Variants in GABRB1 observed in about 807,000 individuals in gnomAD.
GABRB1 encodes the protein gamma-aminobutyric acid type A receptor subunit beta1, also known as gamma-aminobutyric acid receptor subunit beta-1.
In GABRB1, 17 loss-of-function variants were observed where a neutral mutation model predicts 51.6. That is an observed-to-expected ratio of 0.33 (90% CI 0.23 to 0.49). The LOEUF (loss-of-function observed/expected upper bound fraction) is 0.49, where lower values mean the gene tolerates loss of function less well. GABRB1 is among the 20% of genes least tolerant of loss of function. The pLI is 0.99. For synonymous variants in GABRB1, 247 were observed against 218.9 expected (o/e 1.13, Z -1.14); for missense variants, 410 against 600.6 (o/e 0.68, Z 3.32).
chr4:47,109,873 C>T (rs954040601), intron 3 of GABRB1, among the ~76,000 whole-genome samples: 5 of 151,974 alleles, frequency 3.3e-5, no homozygotes, highest in African/African-American at 9.7e-5. Flanking sequence ...ACTAGCTGGT[C>T]CCCAGAGCTA....
chr4:47,206,743 T>C (rs1055368404), intron 4 of GABRB1, among the ~76,000 whole-genome samples: 5 of 151,826 alleles, frequency 3.3e-5, no homozygotes, highest in African/African-American at 1.2e-4. Flanking sequence ...ATCAAAAGCA[T>C]AGCCAAACAT....
chr4:47,077,335 A>G (rs1022782171), intron 3 of GABRB1, among the ~76,000 whole-genome samples: 1 of 152,214 alleles, frequency 6.6e-6, no homozygotes, highest in Non-Finnish European at 1.5e-5. Flanking sequence ...TAAAGACTTT[A>G]GGTCACAAAA....
At chr4:47,150,416 A>G (rs1423895381) in intron 3 of GABRB1, among the ~76,000 whole-genome samples, 1 of 151,320 alleles carries the variant, frequency 6.6e-6, no homozygotes, top group Non-Finnish European at 1.5e-5. Flanking sequence ...TTCGTTGCAG[A>G]ATTGTTTTAG....
chr4:47,232,541 A>G (rs1261060300), intron 4 of GABRB1, among the ~76,000 whole-genome samples: 8 of 152,186 alleles, frequency 5.3e-5, no homozygotes, highest in Non-Finnish European at 1.0e-4. Flanking sequence ...ACTCTAATCT[A>G]TCATCTGAAT....
exon 1 of GABRB1, chr4:46,993,832 G>A: frequency 4.7e-6 from 1 of 212,546 alleles, no homozygotes; most frequent in South Asian, 6.4e-5. Context: ...CCCCAAGTGG[G>A]CTCCCCGCCC....
chr4:47,403,764 T>A, intron 7 of GABRB1, 53 bp downstream of exon 7: 1 of 1,569,438 alleles, frequency 6.4e-7, no homozygotes, highest in Non-Finnish European at 8.6e-7. Context: ...TTCAAACAAA[T>A]AACCAATATC....
chr4:47,179,545 C>A lies in GABRB1; in HGVS notation c.461+18076C>A, dbSNP rs183402162. 9.3e-4 allele frequency among the ~76,000 whole-genome samples: 141 copies of A among 152,220 alleles called. 1 individual carries two copies. The highest frequency in any genetic ancestry group is 3.3e-3 in the African/African-American group (138 of 41,558). ...TTGGAACCAACCCAAATGGGCCATA[C>A]TTTTAAGTCATTTACTTTTACCAAC... On this transcript the variant is annotated intron_variant, in intron 4 of 8. Coordinates refer to ENST00000295454, the MANE Select transcript of GABRB1 (RefSeq NM_000812.4).
chr4:47,299,304 C>A (rs531860380), intron 4 of GABRB1, among the ~76,000 whole-genome samples: 2,251 of 152,068 alleles, frequency 0.015, 45 homozygotes, highest in African/African-American at 0.051. Flanking sequence ...GAACAGGCAA[C>A]CTACAAAATG....
At chr4:47,004,020 T>C (rs1724307215) in intron 1 of GABRB1, among the ~76,000 whole-genome samples, 1 of 152,156 alleles carries the variant, frequency 6.6e-6, no homozygotes, top group Non-Finnish European at 1.5e-5. Context: ...AGATGGAGTA[T>C]TGCTCTGTCC....
At chr4:47,307,463 T>A (rs1011458973) in intron 4 of GABRB1, among the ~76,000 whole-genome samples, 1 of 152,026 alleles carries the variant, frequency 6.6e-6, no homozygotes, top group Admixed American at 6.6e-5. Flanking sequence ...TTTTAGAATA[T>A]GTGATCACCT....
intron 4 of GABRB1, among the ~76,000 whole-genome samples, chr4:47,297,415 A>G (rs1287601631): frequency 6.6e-6 from 1 of 150,542 alleles, no homozygotes; most frequent in Non-Finnish European, 1.5e-5. Flanking sequence ...AAAAAAAATG[A>G]TAAAGGGGAT....
At chr4:47,238,028 A>G (rs1156314662) in intron 4 of GABRB1, among the ~76,000 whole-genome samples, 1 of 152,012 alleles carries the variant, frequency 6.6e-6, no homozygotes, top group African/African-American at 2.4e-5. Context: ...TCAATCAAAA[A>G]ACATGTAATT....
intron 4 of GABRB1, among the ~76,000 whole-genome samples, chr4:47,249,178 G>T (rs1447320921): frequency 6.6e-6 from 1 of 151,904 alleles, no homozygotes; most frequent in Non-Finnish European, 1.5e-5. Flanking sequence ...TACCACCTTT[G>T]CTGTATTCTA....
intron 1 of GABRB1, among the ~76,000 whole-genome samples, chr4:47,000,617 C>T (rs1724149626): frequency 6.6e-6 from 1 of 152,152 alleles, no homozygotes; most frequent in South Asian, 2.1e-4. Flanking sequence ...GAAGGTTTGA[C>T]TGAGCTGGGC....
intron 3 of GABRB1, among the ~76,000 whole-genome samples, chr4:47,124,206 G>A (rs1022306028): frequency 6.6e-6 from 1 of 151,676 alleles, no homozygotes; most frequent in East Asian, 1.9e-4. Flanking sequence ...TAAAGGATGA[G>A]TAGAATTTTA....
At chr4:47,036,082 T>C (rs1224750775) in intron 3 of GABRB1, among the ~76,000 whole-genome samples, 1 of 152,178 alleles carries the variant, frequency 6.6e-6, no homozygotes, top group Non-Finnish European at 1.5e-5. Context: ...CTATCATGGA[T>C]TCATTGTCTT....
chr4:47,090,566 T>G (rs1728250120), intron 3 of GABRB1, among the ~76,000 whole-genome samples: 2 of 152,202 alleles, frequency 1.3e-5, no homozygotes, highest in Admixed American at 6.5e-5. Flanking sequence ...AATTATGCCC[T>G]CACCGTGATT....
chr4:47,161,264 A>G lies in GABRB1; in HGVS notation c.256A>G (p.Met86Val). 6.2e-7 allele frequency: 1 copy of G among 1,601,150 alleles called. No individual in the cohort carries two copies. The highest frequency in any genetic ancestry group is 2.2e-5 in the East Asian group (1 of 44,694). The change falls in exon 4 of 9, where the codon ATG (methionine) becomes GTG (valine). Residue 86 changes from methionine to valine, a missense_variant. Physicochemically the swap from Met to Val is conservative, Grantham distance 21. Around this residue, in one of 5 missense-constraint regions of GABRB1, gnomAD observed 100 missense variants for 184.3 expected, o/e 0.54. Coordinates refer to ENST00000295454, the MANE Select transcript of GABRB1 (RefSeq NM_000812.4). ...SEVNMDYTLT[M>V]YFQQSWKDKR... is the part of the protein sequence containing the mutation. ...TATTTCACAGGATTATACACTCACCATGTATTTCCAGCAGTCTTGGAAAGA... is the reference window on the plus strand; with the variant it reads ...TATTTCACAGGATTATACACTCACCGTGTATTTCCAGCAGTCTTGGAAAGA...
At chr4:47,138,086 G>C (rs1475312928) in intron 3 of GABRB1, among the ~76,000 whole-genome samples, 1 of 152,084 alleles carries the variant, frequency 6.6e-6, no homozygotes, top group Admixed American at 6.6e-5. Flanking sequence ...TGGATGGCAA[G>C]TTACAAACCA....
Sources: gnomAD v4.1 joint callset for allele counts (sites outside exome capture counted in the v4.1 genomes callset) on GRCh38, gnomAD v4.1.1 for gene constraint, gnomAD v4.1.1 regional missense constraint, MANE v1.5 for transcripts, NCBI Gene and HGNC (gene_info 2026-07-23, HGNC 2026-07-21) for gene names.